Variants in SMG6 observed in about 807,000 individuals in gnomAD.
SMG6 encodes the protein SMG6 nonsense mediated mRNA decay factor, also known as telomerase-binding protein EST1A.
In SMG6, 66 loss-of-function variants were observed where a neutral mutation model predicts 142.2. The observed-to-expected ratio is 0.46, with a 90% CI of 0.38 to 0.57. SMG6 has a LOEUF of 0.57. SMG6 is among the 20% of genes least tolerant of loss of function. SMG6 has a pLI of 0.00. For synonymous variants in SMG6, 779 were observed against 702.4 expected (o/e 1.11, Z -1.72); for missense variants, 1,793 against 1,832.0 (o/e 0.98, Z 0.39).
chr17:2,265,521 A>C (rs1567730335), intron 8 of SMG6, among the ~76,000 whole-genome samples: 1 of 151,886 alleles, frequency 6.6e-6, no homozygotes, highest in Non-Finnish European at 1.5e-5. Flanking sequence ...AAAAAAAAAA[A>C]CTGTCTGCTT....
intron 13 of SMG6, among the ~76,000 whole-genome samples, chr17:2,104,192 C>T (rs2069091412): frequency 6.6e-6 from 1 of 151,972 alleles, no homozygotes; most frequent in African/African-American, 2.4e-5. Context: ...ACCTCGTGAT[C>T]CGCCCACCTC....
chr17:2,292,430 G>C (rs1212748377), intron 6 of SMG6, 122 bp downstream of exon 6: 1 of 933,566 alleles, frequency 1.1e-6, no homozygotes, highest in South Asian at 1.5e-5. Flanking sequence ...AGGAGTTTGA[G>C]GGGATATTCT....
intron 13 of SMG6, among the ~76,000 whole-genome samples, chr17:2,135,173 C>T (rs2070254470): frequency 6.6e-6 from 1 of 152,188 alleles, no homozygotes; most frequent in African/African-American, 2.4e-5. Flanking sequence ...AGCCACTGCA[C>T]CCAGCCTAAT....
intron 13 of SMG6, chr17:2,087,252 G>A (rs1338162058): frequency 6.2e-6 from 8 of 1,287,276 alleles, no homozygotes; most frequent in African/African-American, 3.0e-5. Context: ...AGGGAAGCTC[G>A]GCTGGGTACC....
chr17:2,218,737 A>C (rs1381818920), intron 10 of SMG6, among the ~76,000 whole-genome samples: 1 of 152,176 alleles, frequency 6.6e-6, no homozygotes, highest in African/African-American at 2.4e-5. Context: ...GATGACTCCA[A>C]ACTTACTCAC....
intron 13 of SMG6, among the ~76,000 whole-genome samples, chr17:2,170,949 T>A (rs761270321): frequency 6.6e-6 from 1 of 152,162 alleles, no homozygotes; most frequent in Non-Finnish European, 1.5e-5. Flanking sequence ...TATAAGAATA[T>A]ATTAAAAATG....
At chr17:2,287,601 T>C (rs921083537) in intron 6 of SMG6, among the ~76,000 whole-genome samples, 9 of 152,212 alleles carry the variant, frequency 5.9e-5, no homozygotes, top group African/African-American at 9.7e-5. Context: ...TGAACACCCA[T>C]GTTCACTGTG....
At chr17:2,104,194 G>A (rs915001742) in intron 13 of SMG6, among the ~76,000 whole-genome samples, 5 of 151,548 alleles carry the variant, frequency 3.3e-5, no homozygotes, top group African/African-American at 7.3e-5. Flanking sequence ...CTCGTGATCC[G>A]CCCACCTCGG....
intron 1 of SMG6, chr17:2,303,192 C>T (rs2075324576): frequency 7.1e-6 from 7 of 985,332 alleles, no homozygotes; most frequent in Non-Finnish European, 8.4e-6. Flanking sequence ...AAGTCGCAGG[C>T]TCTTAAACCT....
chr17:2,098,864 C>G (rs2068930169), intron 13 of SMG6, among the ~76,000 whole-genome samples: 1 of 152,084 alleles, frequency 6.6e-6, no homozygotes, highest in South Asian at 2.1e-4. Context: ...CTCCTGACCT[C>G]AGGTGATCCA....
At chr17:2,291,076 A>C (rs377188237) in intron 6 of SMG6, among the ~76,000 whole-genome samples, 34 of 152,316 alleles carry the variant, frequency 2.2e-4, no homozygotes, top group African/African-American at 7.9e-4. Flanking sequence ...TCACGCCTGT[A>C]ATCCCAGCAC....
chr17:2,202,146 TA>T (rs1157071228), intron 10 of SMG6, among the ~76,000 whole-genome samples: 2 of 152,194 alleles, frequency 1.3e-5, no homozygotes, highest in South Asian at 2.1e-4. Flanking sequence ...TCATGAAGGT[TA>T]AAAACTGGAG....
chr17:2,176,943 T>C (rs181241913), intron 12 of SMG6, among the ~76,000 whole-genome samples: 1 of 152,220 alleles, frequency 6.6e-6, no homozygotes, highest in African/African-American at 2.4e-5. Context: ...GTTTAATGTA[T>C]CTGTCAGTTT....
intron 18 of SMG6, among the ~76,000 whole-genome samples, chr17:2,064,140 C>G (rs142377455): frequency 5.5e-4 from 84 of 152,138 alleles, no homozygotes; most frequent in African/African-American, 2.0e-3. Flanking sequence ...AAGAAACACG[C>G]ACAGAAAGGA....
At chr17:2,153,657 G>A (rs1388160986) in intron 13 of SMG6, among the ~76,000 whole-genome samples, 2 of 151,028 alleles carry the variant, frequency 1.3e-5, no homozygotes, top group African/African-American at 4.9e-5. Flanking sequence ...CGGTGACTGG[G>A]GGAACCTGGG....
Position 2,085,121 on chromosome 17 carries a change from C to A in SMG6, c.3534+604G>T, listed in dbSNP as rs1236012885. On this transcript the variant is annotated intron_variant, in intron 14 of 18. Transcript: ENST00000263073. The surrounding 1 kb of genome is among the most constrained non-coding windows in gnomAD (Gnocchi z 4.1). ...GTACACAGGCTCATGCATGTGCATG[C>A]GCGTGCGCACACACACACACAGACG... Among the ~76,000 whole-genome samples the A allele has an allele frequency of 2.6e-5, 4 of 152,088 alleles. No homozygotes were observed. The highest frequency in any genetic ancestry group is 5.9e-5 in the Non-Finnish European group (4 of 68,030).
intron 14 of SMG6, among the ~76,000 whole-genome samples, chr17:2,083,990 C>T (rs1178125867): frequency 6.6e-6 from 1 of 152,140 alleles, no homozygotes; most frequent in Non-Finnish European, 1.5e-5. Context: ...GTCAATAAGC[C>T]TTAGAACGAG....
In SMG6 at chr17:2,273,015, C is replaced by T. The variant is rs1025039590; in HGVS notation, c.2661+9632G>A. 5.7e-5 allele frequency among the ~76,000 whole-genome samples: 3 copies of T among 52,328 alleles called. No individual in the cohort carries two copies. In the East Asian group the frequency reaches 1.0e-3, roughly 18 times the overall value. The allele number at this position is 52,328 out of a possible 152,430, so 34.3% of individuals were successfully genotyped here. ...TGGTGATTTTGTTGTCTCACGTGGCCCCCACACCACTGTGCTTGGGGAGTG... is the reference window on the plus strand; with the variant it reads ...TGGTGATTTTGTTGTCTCACGTGGCTCCCACACCACTGTGCTTGGGGAGTG... On this transcript the variant is annotated intron_variant, in intron 8 of 18. Coordinates refer to ENST00000263073, the MANE Select transcript of SMG6 (RefSeq NM_017575.5).
intron 10 of SMG6, among the ~76,000 whole-genome samples, chr17:2,234,241 T>G (rs2073583287): frequency 6.6e-6 from 1 of 152,130 alleles, no homozygotes; most frequent in South Asian, 2.1e-4. Context: ...TATTTTCTTT[T>G]TTTTTTACTT....
Sources: allele counts gnomAD v4.1 joint callset (sites outside exome capture counted in the v4.1 genomes callset), GRCh38; gene constraint gnomAD v4.1.1; non-coding constraint Gnocchi (gnomAD v3.1); transcripts MANE v1.5; gene names NCBI Gene and HGNC (gene_info 2026-07-23, HGNC 2026-07-21).